ITIH5: variants seen among roughly 807,000 people sequenced by gnomAD.
ITIH5 encodes the protein inter-alpha-trypsin inhibitor heavy chain 5.
In ITIH5, 65 loss-of-function variants were observed where a neutral mutation model predicts 77.5. The observed-to-expected ratio is 0.84, with a 90% CI of 0.69 to 1.03. ITIH5 has a LOEUF of 1.03. Ranked by LOEUF, ITIH5 falls within the 50% of genes least tolerant of loss-of-function variation. The pLI is 0.00. For synonymous variants in ITIH5, 525 were observed against 494.3 expected (o/e 1.06, Z -0.82); for missense variants, 1,208 against 1,213.1 (o/e 1.00, Z 0.06).
chr10:7,572,678 G>A (rs576786550), intron 11 of ITIH5: 4 of 267,260 alleles, frequency 1.5e-5, no homozygotes, highest in South Asian at 1.3e-4. Context: ...CATAACAGCT[G>A]CACTTCTCAG....
chr10:7,573,987 GGGTAA>G (rs1832357668), intron 10 of ITIH5, among the ~76,000 whole-genome samples: 1 of 152,094 alleles, frequency 6.6e-6, no homozygotes, highest in African/African-American at 2.4e-5. Context: ...GCTTAAAAAT[GGGTAA>G]GGTGGTAAAT....
intron 11 of ITIH5, 44 bp from the exon 12 acceptor site, chr10:7,569,828 T>C (rs1322251337): frequency 5.2e-6 from 6 of 1,159,932 alleles, no homozygotes; most frequent in Non-Finnish European, 6.2e-6. Flanking sequence ...AAGACACTTA[T>C]TCAGTACCTT....
intron 7 of ITIH5, among the ~76,000 whole-genome samples, chr10:7,607,819 GAAGA>G (rs1440637203): frequency 6.6e-6 from 1 of 151,808 alleles, no homozygotes; most frequent in African/African-American, 2.4e-5. Context: ...AGTCTCGAAA[GAAGA>G]AAAAAAAAAT....
At chr10:7,569,913 G>T in intron 11 of ITIH5, 129 bp from the exon 12 acceptor site, 1 of 564,388 alleles carries the variant, frequency 1.8e-6, no homozygotes, top group Non-Finnish European at 3.0e-6. Flanking sequence ...GGAAGGAGGT[G>T]TCCTCAATTT....
intron 7 of ITIH5, among the ~76,000 whole-genome samples, chr10:7,598,203 A>G (rs1832946722): frequency 6.6e-6 from 1 of 152,236 alleles, no homozygotes; most frequent in Admixed American, 6.5e-5. Context: ...AATGAACCAC[A>G]TTATATAATT....
intron 7 of ITIH5, among the ~76,000 whole-genome samples, chr10:7,612,382 G>A (rs1010688411): frequency 6.6e-6 from 1 of 152,144 alleles, no homozygotes; most frequent in African/African-American, 2.4e-5. Flanking sequence ...GTGACTAGTG[G>A]CTATTGTATT....
intron 2 of ITIH5, among the ~76,000 whole-genome samples, chr10:7,643,746 G>A (rs528512506): frequency 1.4e-4 from 21 of 152,238 alleles, no homozygotes; most frequent in African/African-American, 4.1e-4. Flanking sequence ...ATAAGGTTGC[G>A]ACCTATTGCT....
intron 4 of ITIH5, among the ~76,000 whole-genome samples, chr10:7,640,262 G>A (rs945587315): frequency 3.3e-5 from 5 of 150,922 alleles, no homozygotes; most frequent in Non-Finnish European, 5.9e-5. Context: ...CTTGAGCCCC[G>A]AAGTTTGAGA....
At chr10:7,602,364 C>T (rs1784169641) in intron 7 of ITIH5, among the ~76,000 whole-genome samples, 1 of 152,180 alleles carries the variant, frequency 6.6e-6, no homozygotes, top group South Asian at 2.1e-4. Flanking sequence ...TTGCCTGTGT[C>T]CCCACCCGAA....
At chr10:7,564,840 T>C (rs187123766) in intron 13 of ITIH5, among the ~76,000 whole-genome samples, 2 of 150,396 alleles carry the variant, frequency 1.3e-5, no homozygotes, top group East Asian at 3.9e-4. Context: ...ACTGTATACA[T>C]ACATACATAT....
At chr10:7,580,206 C>T (rs7090321) in intron 8 of ITIH5, 142 bp from the exon 9 acceptor site, 588,908 of 665,354 alleles carry the variant, frequency 0.89, 261,651 homozygotes, top group East Asian at 1. Context: ...CTGCAACCTC[C>T]GCCTCCCAGG....
chr10:7,656,697 A>C (rs754738922), intron 1 of ITIH5, among the ~76,000 whole-genome samples: 8 of 151,998 alleles, frequency 5.3e-5, no homozygotes, highest in African/African-American at 1.9e-4. Flanking sequence ...CAGTTTTACA[A>C]TGTAGATCAA....
At chr10:7,625,969 C>T (rs1429317702) in intron 5 of ITIH5, among the ~76,000 whole-genome samples, 1 of 152,180 alleles carries the variant, frequency 6.6e-6, no homozygotes, top group Non-Finnish European at 1.5e-5. Flanking sequence ...AGTTCACGTC[C>T]AGCTTGCGGA....
chr10:7,586,138 ACCGCCC>A, intron 7 of ITIH5, 69 bp from the exon 8 acceptor site: 3 of 1,365,492 alleles, frequency 2.2e-6, no homozygotes, highest in Non-Finnish European at 3.0e-6. Context: ...TGTTCTAGAA[ACCGCCC>A]CCGCCCCCCA....
At chr10:7,603,401 A>G (rs1833054531) in intron 7 of ITIH5, among the ~76,000 whole-genome samples, 1 of 152,104 alleles carries the variant, frequency 6.6e-6, no homozygotes, top group Admixed American at 6.6e-5. Flanking sequence ...AAAGGGGTGA[A>G]CAAGCAATGA....
intron 2 of ITIH5, among the ~76,000 whole-genome samples, chr10:7,647,161 T>C (rs1329322306): frequency 6.6e-6 from 1 of 152,254 alleles, no homozygotes; most frequent in Non-Finnish European, 1.5e-5. Context: ...TCATCATTTT[T>C]GGAAAGTCCT....
intron 7 of ITIH5, among the ~76,000 whole-genome samples, chr10:7,596,675 T>G (rs1564251653): frequency 6.6e-6 from 1 of 151,858 alleles, no homozygotes; most frequent in African/African-American, 2.4e-5. Context: ...GGAGTTGACA[T>G]TTTCCTTCCC....
At chr10:7,585,855 ATT>A in intron 8 of ITIH5, 44 bp downstream of exon 8, 3 of 1,501,630 alleles carry the variant, frequency 2.0e-6, no homozygotes, top group Non-Finnish European at 1.8e-6. Flanking sequence ...AAAAAAAAAC[ATT>A]ATTTCAAAGC....
chr10:7,628,855 C>A (rs62642841), intron 5 of ITIH5, among the ~76,000 whole-genome samples: 15,549 of 72,900 alleles, frequency 0.21, 3,166 homozygotes, highest in African/African-American at 0.3. Context: ...GCGTGTGTCC[C>A]TGTTGTAGCG....
Sources: allele counts gnomAD v4.1 joint callset (sites outside exome capture counted in the v4.1 genomes callset), GRCh38; gene constraint gnomAD v4.1.1; transcripts MANE v1.5; gene names NCBI Gene and HGNC (gene_info 2026-07-23, HGNC 2026-07-21).